Variants in EBF1 observed in about 807,000 individuals in gnomAD.
The protein encoded by EBF1 is EBF transcription factor 1.
Under a neutral mutation model 68.4 loss-of-function variants are expected in EBF1, and 10 were observed. That is an observed-to-expected ratio of 0.15 (90% CI 0.09 to 0.25). The LOEUF (loss-of-function observed/expected upper bound fraction) is 0.25, where lower values mean the gene tolerates loss of function less well. Ranked by LOEUF, EBF1 falls within the 10% of genes least tolerant of loss-of-function variation. The pLI is 1.00. For missense variants in EBF1, 509 were observed against 794.4 expected (o/e 0.64, Z 4.32); for synonymous variants, 298 against 299.8 (o/e 0.99, Z 0.06).
chr5:158,845,950 C>T (rs1412408605), intron 6 of EBF1, among the ~76,000 whole-genome samples: 1 of 152,140 alleles, frequency 6.6e-6, no homozygotes, highest in South Asian at 2.1e-4. Flanking sequence ...TTTTACCTCC[C>T]CCAACCCAAA....
intron 6 of EBF1, among the ~76,000 whole-genome samples, chr5:158,915,277 G>A (rs1306768328): frequency 6.6e-6 from 1 of 152,204 alleles, no homozygotes; most frequent in Non-Finnish European, 1.5e-5. Context: ...GGTACTTTTG[G>A]ATTGTAGGAA....
At chr5:158,896,311 C>T (rs955217758) in intron 6 of EBF1, among the ~76,000 whole-genome samples, 12 of 152,140 alleles carry the variant, frequency 7.9e-5, no homozygotes, top group Middle Eastern at 6.8e-3. Context: ...TCAACTATTA[C>T]CTATTAAATT....
At chr5:159,067,022 C>T (rs1044179108) in intron 6 of EBF1, among the ~76,000 whole-genome samples, 29 of 152,062 alleles carry the variant, frequency 1.9e-4, no homozygotes, top group East Asian at 7.7e-4. Context: ...CATCTCTTTA[C>T]GCAGGAACCA....
chr5:158,860,826 C>G (rs1017872745), intron 6 of EBF1, among the ~76,000 whole-genome samples: 1 of 152,144 alleles, frequency 6.6e-6, no homozygotes, highest in Non-Finnish European at 1.5e-5. Context: ...TGCCTCAGAA[C>G]TCTGATATCG....
In EBF1 at chr5:158,822,681, C is replaced by A. The variant is rs529828615; in HGVS notation, c.778+495G>T. Among the ~76,000 whole-genome samples the A allele has an allele frequency of 2.6e-5, 4 of 152,300 alleles. No individual in the cohort carries two copies. In the East Asian group the frequency reaches 7.7e-4, roughly 29 times the overall value. ...AAGCACCTCCAACCTCGACATTGAACCTGATCTCCAAATGAAGTTCAACAG... is the reference window on the plus strand; with the variant it reads ...AAGCACCTCCAACCTCGACATTGAAACTGATCTCCAAATGAAGTTCAACAG... On this transcript the variant is annotated intron_variant, in intron 8 of 15. Coordinates refer to ENST00000313708, the MANE Select transcript of EBF1 (RefSeq NM_024007.5).
intron 15 of EBF1, among the ~76,000 whole-genome samples, 184 bp downstream of exon 15, chr5:158,707,795 G>T (rs1385186091): frequency 6.6e-6 from 1 of 152,108 alleles, no homozygotes; most frequent in African/African-American, 2.4e-5. Context: ...AGATGAGTAT[G>T]GCCAAGGGCC....
chr5:158,803,014 G>A (rs1780895920), intron 8 of EBF1, among the ~76,000 whole-genome samples: 1 of 152,026 alleles, frequency 6.6e-6, no homozygotes, highest in African/African-American at 2.4e-5. Context: ...AGGTGGAACT[G>A]GCAACAGTCC....
intron 6 of EBF1, among the ~76,000 whole-genome samples, chr5:158,929,666 G>A (rs1810419857): frequency 6.6e-6 from 1 of 152,156 alleles, no homozygotes; most frequent in South Asian, 2.1e-4. Context: ...TTCTGAAGCT[G>A]AGGCTTTAAT....
chr5:158,873,280 C>T (rs1268986243), intron 6 of EBF1, among the ~76,000 whole-genome samples: 2 of 152,048 alleles, frequency 1.3e-5, no homozygotes, highest in African/African-American at 4.8e-5. Flanking sequence ...ACGTCTTTAC[C>T]CCCACTAGCA....
intron 11 of EBF1, among the ~76,000 whole-genome samples, chr5:158,716,465 T>C (rs771295378): frequency 2.6e-5 from 4 of 152,180 alleles, no homozygotes; most frequent in African/African-American, 4.8e-5. Context: ...GCCAGCAGTC[T>C]TGGATTTGAG....
intron 6 of EBF1, among the ~76,000 whole-genome samples, chr5:159,035,551 C>T (rs1769869608): frequency 6.6e-6 from 1 of 152,170 alleles, no homozygotes; most frequent in African/African-American, 2.4e-5. Context: ...AATTAAACTA[C>T]CTGGATTCAA....
At chr5:158,900,434 G>A (rs1275740542) in intron 6 of EBF1, among the ~76,000 whole-genome samples, 1 of 152,220 alleles carries the variant, frequency 6.6e-6, no homozygotes, top group Non-Finnish European at 1.5e-5. Context: ...TAAAAGAACT[G>A]TCATCGGAGA....
chr5:158,818,249 A>C (rs966519872), intron 8 of EBF1, among the ~76,000 whole-genome samples: 1 of 152,200 alleles, frequency 6.6e-6, no homozygotes, highest in African/African-American at 2.4e-5. Context: ...CTCCAAGCTC[A>C]AACCATCTTT....
chr5:158,875,286 C>G (rs1212958756), intron 6 of EBF1, among the ~76,000 whole-genome samples: 1 of 152,156 alleles, frequency 6.6e-6, no homozygotes, highest in Non-Finnish European at 1.5e-5. Context: ...GAAGGACAAA[C>G]AATTTTTAAC....
At chr5:158,997,858 C>T (rs1484258347) in intron 6 of EBF1, among the ~76,000 whole-genome samples, 1 of 152,146 alleles carries the variant, frequency 6.6e-6, no homozygotes, top group East Asian at 1.9e-4. Flanking sequence ...CAAAGCACTC[C>T]TCACATCATT....
intron 7 of EBF1, among the ~76,000 whole-genome samples, chr5:158,837,808 G>A (rs1789170389): frequency 3.9e-5 from 6 of 152,120 alleles, no homozygotes. Flanking sequence ...GCTGCCCTAA[G>A]AGGTACAGCA....
chr5:158,796,523 CA>C (rs1164437335), intron 8 of EBF1, 48 bp from the exon 9 acceptor site: 1 of 1,537,968 alleles, frequency 6.5e-7, no homozygotes, highest in African/African-American at 1.4e-5. Context: ...CTGTTAGAAC[CA>C]AACTTTAATG....
intron 6 of EBF1, among the ~76,000 whole-genome samples, chr5:159,045,953 G>A (rs1306532261): frequency 6.6e-6 from 1 of 152,084 alleles, no homozygotes; most frequent in Non-Finnish European, 1.5e-5. Context: ...GCCTATCTGA[G>A]CTTTGTTCCC....
chr5:158,940,777 C>CCCCCCCCCCCCCCCA (rs1554083360), intron 6 of EBF1, among the ~76,000 whole-genome samples: 1 of 51,556 alleles, frequency 1.9e-5, no homozygotes, highest in African/African-American at 5.0e-5. Flanking sequence ...CCCCCCCCCC[C>CCCCCCCCCCCCCCCA]CCGCAGGTCA....
Sources: allele counts gnomAD v4.1 joint callset (sites outside exome capture counted in the v4.1 genomes callset), GRCh38; gene constraint gnomAD v4.1.1; transcripts MANE v1.5; gene names NCBI Gene and HGNC (gene_info 2026-07-23, HGNC 2026-07-21).